Variants in ZP3 observed in about 807,000 individuals in gnomAD.
ZP3 encodes the protein zona pellucida glycoprotein 3.
ZP3 carries 21 observed loss-of-function variants against 35.6 expected under a neutral mutation model. The observed-to-expected ratio is 0.59, with a 90% CI of 0.42 to 0.85. The LOEUF (loss-of-function observed/expected upper bound fraction) is 0.85, where lower values mean the gene tolerates loss of function less well. Ranked by LOEUF, ZP3 falls within the 40% of genes least tolerant of loss-of-function variation. ZP3 has a pLI of 0.00. For synonymous variants in ZP3, 207 were observed against 214.5 expected (o/e 0.96, Z 0.31); for missense variants, 437 against 536.5 (o/e 0.81, Z 1.83).
At chr7:76,403,347 C>CTTTTTTTTTTTTTTTTTTTTTA (rs766899317) in intron 1 of ZP3, among the ~76,000 whole-genome samples, 1 of 149,532 alleles carries the variant, frequency 6.7e-6, no homozygotes, top group African/African-American at 2.4e-5. Flanking sequence ...GACTCCACTT[C>CTTTTTTTTTTTTTTTTTTTTTA]TTTTTTTTGA....
At chr7:76,433,747 G>T (rs1457657524) in intron 4 of ZP3, 100 bp downstream of exon 4, 3 of 1,303,414 alleles carry the variant, frequency 2.3e-6, no homozygotes, top group Non-Finnish European at 3.2e-6. Flanking sequence ...AACCCAGGCT[G>T]GAATACAGAG....
At chr7:76,437,171 C>CTTTT (rs869115807) in intron 5 of ZP3, among the ~76,000 whole-genome samples, 1,795 of 78,780 alleles carry the variant, frequency 0.023, 37 homozygotes, top group East Asian at 0.037. Flanking sequence ...ACCCTGTGTA[C>CTTTT]TTTTTTTTTT....
chr7:76,440,194 T>G, intron 5 of ZP3, 56 bp from the exon 6 acceptor site: 4 of 1,562,678 alleles, frequency 2.6e-6, no homozygotes, highest in African/African-American at 1.4e-5. Flanking sequence ...ACTGGTGTGT[T>G]AAACTCCCAG....
At chr7:76,419,999 T>A (rs1805468548), upstream of ZP3, among the ~76,000 whole-genome samples, 1 of 151,718 alleles carries the variant, frequency 6.6e-6, no homozygotes, top group Non-Finnish European at 1.5e-5. Flanking sequence ...ATGGGGTTTC[T>A]CCATGTTGGC....
chr7:76,422,907 G>T (rs1460255462), upstream of ZP3, among the ~76,000 whole-genome samples: 1 of 150,452 alleles, frequency 6.6e-6, no homozygotes, highest in Non-Finnish European at 1.5e-5. Flanking sequence ...CTGAGGTGGA[G>T]AATCACTTGA....
upstream of ZP3, among the ~76,000 whole-genome samples, chr7:76,422,411 G>C (rs1266322588): frequency 6.6e-6 from 1 of 152,050 alleles, no homozygotes; most frequent in African/African-American, 2.4e-5. Context: ...AGGCGCGGTG[G>C]CTCACGCCTA....
Position 76,433,664 on chromosome 7 carries a change from C to G in ZP3, c.713+17C>G, listed in dbSNP as rs755941606. On this transcript the variant is annotated intron_variant, in intron 4 of 7. Transcript: ENST00000394857. ...CTTCCATGGGTGAGCACTGGGCTCC[C>G]TGCCTAGAGAACCTTCCTAGCAAAA... The G allele has an allele frequency of 2.5e-6, 4 of 1,582,488 alleles. No individual in the cohort carries two copies. The South Asian group carries it at 4.6e-5, about 18-fold the overall frequency.
intron 5 of ZP3, among the ~76,000 whole-genome samples, chr7:76,438,543 A>G (rs1272976990): frequency 6.8e-6 from 1 of 148,022 alleles, no homozygotes; most frequent in African/African-American, 2.5e-5. Context: ...TCTCAGAAAA[A>G]AAAAAAAAAA....
At chr7:76,441,569 A>G (rs1584078435) in intron 7 of ZP3, among the ~76,000 whole-genome samples, 1 of 151,826 alleles carries the variant, frequency 6.6e-6, no homozygotes, top group East Asian at 1.9e-4. Context: ...TTTTATTTTC[A>G]GTAGAGACGG....
rs777422281 is a variant in ZP3 at position 76,429,611 on chromosome 7, C to G, written c.409C>G (p.Pro137Ala). The change falls in exon 2 of 8, where the codon CCC (proline) becomes GCC (alanine). Residue 137 changes from proline to alanine, a missense_variant. Physicochemically the swap from Pro to Ala is conservative, Grantham distance 27. Transcript: ENST00000394857. ...CGTGAGGACTAACCGCGCAGAGATT[C>G]CCATCGAGTGCCGCTACCCCAGGTC... ...SIVRTNRAEIPIECRYPRQGN... is the reference protein window; with the variant it reads ...SIVRTNRAEIAIECRYPRQGN... The G allele has an allele frequency of 1.1e-5, 17 of 1,613,952 alleles. No homozygotes were observed. The highest frequency in any genetic ancestry group is 1.3e-5 in the African/African-American group (1 of 74,910).
chr7:76,423,166 T>TGA (rs1295720371), upstream of ZP3, among the ~76,000 whole-genome samples: 21 of 136,368 alleles, frequency 1.5e-4, no homozygotes, highest in Non-Finnish European at 4.6e-5. Flanking sequence ...GGAGGCAGCA[T>TGA]GAGAGAGAGA....
At chr7:76,441,045 C>T (rs1806183060) in intron 7 of ZP3, among the ~76,000 whole-genome samples, 4 of 150,820 alleles carry the variant, frequency 2.7e-5, no homozygotes, top group African/African-American at 9.7e-5. Context: ...GTGGTACATG[C>T]CTGTAATCCC....
At chr7:76,415,919 C>T (rs931214357) in intron 1 of ZP3, among the ~76,000 whole-genome samples, 3 of 150,788 alleles carry the variant, frequency 2.0e-5, no homozygotes, top group Non-Finnish European at 4.4e-5. Context: ...CACTTGAGGT[C>T]AGGATTTCAA....
chr7:76,404,589 T>C (rs11760779), intron 1 of ZP3: 529,862 of 1,196,396 alleles, frequency 0.44, 118,390 homozygotes, highest in South Asian at 0.52. Context: ...CCCAGGGGTT[T>C]GAGATCAGCC....
At chr7:76,401,112 C>A (rs972353983) in intron 1 of ZP3, 9 of 1,466,946 alleles carry the variant, frequency 6.1e-6, no homozygotes, top group Admixed American at 2.5e-5. Flanking sequence ...CAGGAACACA[C>A]CCCCCAACTC....
At chr7:76,440,775 A>AGG (rs200979281) in intron 7 of ZP3, among the ~76,000 whole-genome samples, 164 bp downstream of exon 7, 1 of 147,406 alleles carries the variant, frequency 6.8e-6, no homozygotes. Context: ...GTTAAGCAGG[A>AGG]GGGGCTCTCA....
rs1300929579 is a variant in ZP3, at chr7:76,440,049, G to C, written c.832-201G>C. 3 of 700,498 alleles carry C rather than the reference G, an allele frequency of 4.3e-6. No homozygotes were observed. The Admixed American group carries it at 8.9e-5, about 21-fold the overall frequency. The allele number at this position is 700,498 out of a possible 1,614,324, so 43.4% of individuals were successfully genotyped here. A position where few individuals can be genotyped will look rare whatever the true frequency, so the allele number is the denominator to read the frequency against. On this transcript the variant is annotated intron_variant, in intron 5 of 7. Transcript: ENST00000394857. ...TTTAGTAGCGATGGGGTTTCACCAT[G>C]TTGGCCAGGTTGGTCTCGAACTCCT...
At chr7:76,437,661 A>ATTT (rs3972771) in intron 5 of ZP3, among the ~76,000 whole-genome samples, 12,902 of 129,164 alleles carry the variant, frequency 0.1, 72 homozygotes, top group East Asian at 0.22. Flanking sequence ...TAATTTCTGT[A>ATTT]TTTTTTTTTT....
At chr7:76,404,655 G>T (rs912540893) in intron 1 of ZP3, 2 of 636,224 alleles carry the variant, frequency 3.1e-6, no homozygotes, top group Non-Finnish European at 5.3e-6. Flanking sequence ...ATGAGGCCGG[G>T]TGTGGTGGCT....
Sources: gnomAD v4.1 joint callset for allele counts (sites outside exome capture counted in the v4.1 genomes callset) on GRCh38, gnomAD v4.1.1 for gene constraint, MANE v1.5 for transcripts, NCBI Gene and HGNC (gene_info 2026-07-23, HGNC 2026-07-21) for gene names.